The following INPP4B variants were observed in gnomAD, a reference collection of about 807,000 sequenced individuals.
INPP4B encodes inositol polyphosphate-4-phosphatase type II B.
In INPP4B, 55 loss-of-function variants were observed where a neutral mutation model predicts 122.5. The observed-to-expected ratio is 0.45, with a 90% CI of 0.36 to 0.56. The LOEUF (loss-of-function observed/expected upper bound fraction) is 0.56, where lower values mean the gene tolerates loss of function less well. INPP4B is among the 20% of genes least tolerant of loss of function. The probability of loss-of-function intolerance (pLI) is 0.00; values close to 1 mark genes in which losing one functional copy is unlikely to be tolerated. For missense variants in INPP4B, 1,000 were observed against 1,097.7 expected (o/e 0.91, Z 1.26); for synonymous variants, 403 against 388.7 (o/e 1.04, Z -0.43).
chr4:142,495,607 A>C (rs1822446775), intron 2 of INPP4B, among the ~76,000 whole-genome samples: 1 of 152,086 alleles, frequency 6.6e-6, no homozygotes, highest in African/African-American at 2.4e-5. Flanking sequence ...GCTGACTCCC[A>C]AATCCTTAAG....
At chr4:142,530,138 C>G (rs892035182) in intron 2 of INPP4B, among the ~76,000 whole-genome samples, 3 of 152,020 alleles carry the variant, frequency 2.0e-5, no homozygotes, top group African/African-American at 7.2e-5. Context: ...ATTCTGAGGT[C>G]TGAAAGTACA....
chr4:142,738,433 A>G (rs200522355), intron 1 of INPP4B, among the ~76,000 whole-genome samples: 4,126 of 152,064 alleles, frequency 0.027, 76 homozygotes, highest in Middle Eastern at 0.095. Flanking sequence ...CACAGGAAGG[A>G]GAACATCACA....
At chr4:142,648,542 C>A (rs1241574336) in intron 2 of INPP4B, among the ~76,000 whole-genome samples, 1 of 152,214 alleles carries the variant, frequency 6.6e-6, no homozygotes, top group Non-Finnish European at 1.5e-5. Context: ...CAGTGGGTCC[C>A]ACACCCACGA....
chr4:142,320,742 T>G (rs1024201333), intron 7 of INPP4B, among the ~76,000 whole-genome samples: 7 of 152,208 alleles, frequency 4.6e-5, no homozygotes, highest in African/African-American at 7.2e-5. Context: ...TGAGAAATAC[T>G]ATGTTTGGTT....
At chr4:142,224,787 T>TTATC (rs917666943) in intron 12 of INPP4B, among the ~76,000 whole-genome samples, 1 of 152,078 alleles carries the variant, frequency 6.6e-6, no homozygotes, top group Non-Finnish European at 1.5e-5. Flanking sequence ...ATGTATATGT[T>TTATC]TATCACTGAA....
At position 142,270,973 on chromosome 4, in the gene INPP4B, T is replaced by C. The variant is rs1256197928; in HGVS notation, c.504-199A>G. ...TGTGTGTGTGTGTTTTCTTTTTTCT[T>C]TTTTTTTGAGATCAAGTTTTGCTCT... is the stretch of plus-strand genomic sequence containing the variant. On this transcript the variant is annotated intron_variant, in intron 9 of 25. Coordinates refer to ENST00000262992, the MANE Select transcript of INPP4B (RefSeq NM_001101669.3). Among the ~76,000 whole-genome samples, 3 of 151,736 alleles carry C rather than the reference T, an allele frequency of 2.0e-5. No individual in the cohort carries two copies. The East Asian group carries it at 5.8e-4, about 29-fold the overall frequency.
chr4:142,706,537 C>T (rs1490948899), intron 2 of INPP4B, among the ~76,000 whole-genome samples: 1 of 152,188 alleles, frequency 6.6e-6, no homozygotes, highest in Non-Finnish European at 1.5e-5. Context: ...TAACATGCCT[C>T]AATATCCAGA....
chr4:142,665,885 G>A lies in INPP4B; in HGVS notation c.-191+59954C>T, dbSNP rs138673780. ...CAGTGGATGCCTAAAACCATGGATA[G>A]CACTGAACTATGTTTTCTTCTAGGT... is the stretch of plus-strand genomic sequence containing the variant. On this transcript the variant is annotated intron_variant, in intron 2 of 25. Coordinates refer to ENST00000262992, the MANE Select transcript of INPP4B (RefSeq NM_001101669.3). 2.6e-3 allele frequency among the ~76,000 whole-genome samples: 397 copies of A among 152,246 alleles called. 6 individuals carry two copies. Among genetic ancestry groups the A allele is most frequent in the East Asian group, 0.018 (95 of 5,184 alleles).
chr4:142,146,345 C>T (rs1004014737), intron 17 of INPP4B, among the ~76,000 whole-genome samples: 4 of 152,092 alleles, frequency 2.6e-5, no homozygotes, highest in Admixed American at 2.0e-4. Flanking sequence ...AAAGCAAACA[C>T]ACACCAACAT....
At chr4:142,744,162 A>C (rs1768317910) in intron 1 of INPP4B, among the ~76,000 whole-genome samples, 1 of 152,000 alleles carries the variant, frequency 6.6e-6, no homozygotes, top group South Asian at 2.1e-4. Context: ...TATAATGGAA[A>C]GAACAATAAA....
At chr4:142,720,633 T>C (rs1028335904) in intron 2 of INPP4B, among the ~76,000 whole-genome samples, 1 of 143,962 alleles carries the variant, frequency 6.9e-6, no homozygotes, top group African/African-American at 2.6e-5. Context: ...TTTTATTGTC[T>C]GTTTTTTTTT....
At chr4:142,291,074 C>T (rs1756276082) in intron 9 of INPP4B, among the ~76,000 whole-genome samples, 2 of 152,050 alleles carry the variant, frequency 1.3e-5, no homozygotes, top group Non-Finnish European at 2.9e-5. Flanking sequence ...CTGTCAGTGC[C>T]TCTGTTTCTA....
chr4:142,844,050 G>A (rs1270350481), intron 1 of INPP4B, among the ~76,000 whole-genome samples: 2 of 152,110 alleles, frequency 1.3e-5, no homozygotes, highest in African/African-American at 4.8e-5. Context: ...ATAGTAGAGC[G>A]ATTTAGTATT....
intron 1 of INPP4B, among the ~76,000 whole-genome samples, chr4:142,751,006 G>T (rs1769605776): frequency 6.6e-6 from 1 of 151,902 alleles, no homozygotes; most frequent in Non-Finnish European, 1.5e-5. Context: ...GTATGCAAAA[G>T]AACTAAATAC....
rs576220590 is a variant in INPP4B at position 142,442,404 on chromosome 4, T to G, written c.-126-11019A>C. ...TCCAGCCTGGGCAACAGAGCAAGACTCCATCTCAAAAAAAAAAAAAAAAAA... is the reference window on the plus strand; with the variant it reads ...TCCAGCCTGGGCAACAGAGCAAGACGCCATCTCAAAAAAAAAAAAAAAAAA... On this transcript the variant is annotated intron_variant, in intron 3 of 25. Transcript: ENST00000262992. 7.7e-3 allele frequency among the ~76,000 whole-genome samples: 430 copies of G among 55,662 alleles called. 1 individual carries two copies. The highest frequency in any genetic ancestry group is 0.045 in the Middle Eastern group (2 of 44). The allele number at this position is 55,662 out of a possible 152,430, so 36.5% of individuals were successfully genotyped here.
chr4:142,415,736 A>C (rs902021328), intron 5 of INPP4B, among the ~76,000 whole-genome samples: 11 of 152,226 alleles, frequency 7.2e-5, no homozygotes, highest in African/African-American at 2.7e-4. Context: ...CACAATAGCA[A>C]AGACTTGGAA....
At position 142,435,370 on chromosome 4, in the gene INPP4B, C is replaced by T. The variant is rs532008173; in HGVS notation, c.-126-3985G>A. On this transcript the variant is annotated intron_variant, in intron 3 of 25. Transcript: ENST00000262992. ...TAAGAATGAAACTTGCCATTCCTAC[C>T]ACAAATTTAATTTTTTTCTAGTTAA... is the stretch of plus-strand genomic sequence containing the variant. 8.6e-5 allele frequency among the ~76,000 whole-genome samples: 13 copies of T among 150,410 alleles called. No homozygotes were observed. In the South Asian group the frequency reaches 2.3e-3, roughly 27 times the overall value.
At chr4:142,492,371 AC>A (rs1821990780) in intron 2 of INPP4B, among the ~76,000 whole-genome samples, 1 of 152,124 alleles carries the variant, frequency 6.6e-6, no homozygotes, top group African/African-American at 2.4e-5. Flanking sequence ...AGAGGTTGAA[AC>A]CTTTTGCAGG....
rs77512469 is a variant in INPP4B at position 142,181,572 on chromosome 4, C to T, written c.1182-7763G>A. Among the ~76,000 whole-genome samples, 22 of 152,156 alleles carry T rather than the reference C, an allele frequency of 1.4e-4. No individual in the cohort carries two copies. In the East Asian group the frequency reaches 3.5e-3, roughly 24 times the overall value. On this transcript the variant is annotated intron_variant, in intron 15 of 25. Coordinates refer to ENST00000262992, the MANE Select transcript of INPP4B (RefSeq NM_001101669.3). ...CAGCTCTACATACCTCATAATCCAC[C>T]GAATAACTGAAATGGCTACATAATG...
Sources: allele counts gnomAD v4.1 joint callset (sites outside exome capture counted in the v4.1 genomes callset), GRCh38; gene constraint gnomAD v4.1.1; transcripts MANE v1.5; gene names NCBI Gene and HGNC (gene_info 2026-07-23, HGNC 2026-07-21).